Variants in NTNG1 observed in about 807,000 individuals in gnomAD.
NTNG1 encodes netrin G1.
In NTNG1, 16 loss-of-function variants were observed where a neutral mutation model predicts 54.0. The ratio of observed to expected loss-of-function variants is 0.30; its 90% CI spans 0.20 to 0.45. The LOEUF (loss-of-function observed/expected upper bound fraction) is 0.45. NTNG1 is among the 20% of genes least tolerant of loss of function. The pLI is 1.00. For missense variants in NTNG1, 530 were observed against 678.7 expected, an observed-to-expected ratio of 0.78 and a Z score of 2.43; for synonymous variants, 255 against 263.1, an observed-to-expected ratio of 0.97 and a Z score of 0.30.
At chr1:107,253,356 G>A (rs1454611543) in intron 2 of NTNG1, among the ~76,000 whole-genome samples, 1 of 152,200 alleles carries the variant, frequency 6.6e-6, no homozygotes, top group African/African-American at 2.4e-5. Context: ...ATAAGAGTTA[G>A]CTGATAACAT....
At chr1:107,419,339 G>A (rs1557984369) in intron 5 of NTNG1, among the ~76,000 whole-genome samples, 4 of 151,408 alleles carry the variant, frequency 2.6e-5, no homozygotes, top group Admixed American at 6.6e-5. Flanking sequence ...ATGTGTTCCA[G>A]CATTTAGAGC....
chr1:107,286,990 A>T (rs1326744369), intron 2 of NTNG1, among the ~76,000 whole-genome samples: 1 of 152,158 alleles, frequency 6.6e-6, no homozygotes, highest in East Asian at 1.9e-4. Context: ...ATAGATTTAT[A>T]AAAACTTTGT....
chr1:107,189,683 A>G (rs889727643), intron 2 of NTNG1, among the ~76,000 whole-genome samples: 2 of 152,088 alleles, frequency 1.3e-5, no homozygotes, highest in African/African-American at 4.8e-5. Context: ...GTTGCCCATC[A>G]TCCTATCTGG....
intron 7 of NTNG1, among the ~76,000 whole-genome samples, chr1:107,455,979 C>G (rs1279312969): frequency 6.6e-6 from 1 of 152,084 alleles, no homozygotes; most frequent in East Asian, 1.9e-4. Context: ...AGAGGTGCCA[C>G]GAAATAATCC....
intron 2 of NTNG1, among the ~76,000 whole-genome samples, chr1:107,273,101 C>T (rs1157741378): frequency 1.3e-5 from 2 of 152,094 alleles, no homozygotes; most frequent in South Asian, 2.1e-4. Flanking sequence ...TGAAGGCTGT[C>T]GATTTTTTCT....
chr1:107,242,175 G>T (rs112693188), intron 2 of NTNG1, among the ~76,000 whole-genome samples: 17 of 152,180 alleles, frequency 1.1e-4, no homozygotes, highest in East Asian at 3.9e-4. Context: ...TTGGAGGAGG[G>T]GGGGTGAGGG....
intron 3 of NTNG1, among the ~76,000 whole-genome samples, chr1:107,329,334 T>C (rs946939900): frequency 3.9e-5 from 6 of 152,124 alleles, no homozygotes; most frequent in Non-Finnish European, 5.9e-5. Context: ...TACGTCACTC[T>C]CAGGAGTCCA....
At chr1:107,263,134 A>T (rs1403613234) in intron 2 of NTNG1, among the ~76,000 whole-genome samples, 1 of 152,194 alleles carries the variant, frequency 6.6e-6, no homozygotes, top group Admixed American at 6.5e-5. Flanking sequence ...AAAACCCTGA[A>T]GCTTTGAAAT....
At position 107,282,991 on chromosome 1, in the gene NTNG1, A is replaced by G. The variant is rs774224094; in HGVS notation, c.247-41291A>G. On this transcript the variant is annotated intron_variant, in intron 2 of 7. Coordinates refer to ENST00000370068, the MANE Select transcript of NTNG1 (RefSeq NM_001113226.3). ...GAGGAAGCTCTCTGACATCTGTTTT[A>G]TAAGGGTATCAATGCCATTCATGAT... Among the ~76,000 whole-genome samples, 80 of 152,102 alleles carry G rather than the reference A, an allele frequency of 5.3e-4. 1 individual carries two copies. Among genetic ancestry groups the G allele is most frequent in the Non-Finnish European group, 3.4e-4 (23 of 68,002 alleles).
At chr1:107,254,591 A>G (rs1023267957) in intron 2 of NTNG1, among the ~76,000 whole-genome samples, 7 of 152,256 alleles carry the variant, frequency 4.6e-5, no homozygotes, top group African/African-American at 1.7e-4. Flanking sequence ...GCATAAGAGC[A>G]TGCATTATCT....
chr1:107,453,275 A>C (rs1676732635), intron 7 of NTNG1, among the ~76,000 whole-genome samples: 1 of 152,210 alleles, frequency 6.6e-6, no homozygotes, highest in African/African-American at 2.4e-5. Flanking sequence ...CTTTTTCATC[A>C]AGAAGGCAAA....
At chr1:107,338,093 C>G (rs1417576236) in intron 3 of NTNG1, among the ~76,000 whole-genome samples, 1 of 151,776 alleles carries the variant, frequency 6.6e-6, no homozygotes, top group East Asian at 1.9e-4. Context: ...GGGGATGATG[C>G]CACTGTTAGA....
chr1:107,199,634 A>G (rs922257554), intron 2 of NTNG1, among the ~76,000 whole-genome samples: 2 of 151,932 alleles, frequency 1.3e-5, no homozygotes, highest in Admixed American at 6.6e-5. Flanking sequence ...AGAAATTACC[A>G]GAGGACACAG....
chr1:107,183,968 G>A (rs1021973660), intron 2 of NTNG1, among the ~76,000 whole-genome samples: 1 of 152,068 alleles, frequency 6.6e-6, no homozygotes, highest in South Asian at 2.1e-4. Context: ...CCAAAACTTA[G>A]TGGCATAAAG....
chr1:107,405,845 A>C (rs139497342), intron 4 of NTNG1, among the ~76,000 whole-genome samples: 1 of 152,274 alleles, frequency 6.6e-6, no homozygotes, highest in East Asian at 1.9e-4. Context: ...CTGCCATCAT[A>C]TCTCACTCAA....
intron 5 of NTNG1, among the ~76,000 whole-genome samples, chr1:107,417,341 C>T (rs1674284249): frequency 6.6e-6 from 1 of 151,984 alleles, no homozygotes. Flanking sequence ...GCTTTTCTAA[C>T]AAATATTTAA....
At chr1:107,161,232 C>G (rs189519872) in intron 2 of NTNG1, among the ~76,000 whole-genome samples, 3 of 152,256 alleles carry the variant, frequency 2.0e-5, no homozygotes, top group African/African-American at 7.2e-5. Flanking sequence ...GATTATTGCT[C>G]TGATATACAC....
At chr1:107,311,744 G>A (rs894580957) in intron 2 of NTNG1, among the ~76,000 whole-genome samples, 2 of 151,952 alleles carry the variant, frequency 1.3e-5, no homozygotes, top group African/African-American at 4.8e-5. Context: ...CATTAAAAAT[G>A]TTTGCACACT....
intron 3 of NTNG1, among the ~76,000 whole-genome samples, chr1:107,346,339 C>A (rs915323115): frequency 2.0e-5 from 3 of 152,108 alleles, no homozygotes; most frequent in Non-Finnish European, 2.9e-5. Context: ...CATTCTGATA[C>A]CCTTTAAGAC....
Sources: allele counts gnomAD v4.1 joint callset (sites outside exome capture counted in the v4.1 genomes callset), GRCh38; gene constraint gnomAD v4.1.1; transcripts MANE v1.5; gene names NCBI Gene and HGNC (gene_info 2026-07-23, HGNC 2026-07-21).